LDB2: variants seen among roughly 807,000 people sequenced by gnomAD.
The protein encoded by LDB2 is LIM domain-binding protein 2.
A neutral mutation model predicts 44.3 loss-of-function variants in LDB2; 12 were observed. The observed-to-expected ratio is 0.27, with a 90% CI of 0.17 to 0.44. LDB2 has a LOEUF of 0.44. Among genes scored for constraint, LDB2 ranks in the 20% least tolerant of loss-of-function variants. The pLI, the probability that LDB2 is intolerant of heterozygous loss-of-function variation, is 1.00. For missense variants in LDB2, 344 were observed against 473.5 expected (o/e 0.73, Z 2.54); for synonymous variants, 164 against 174.8 (o/e 0.94, Z 0.49).
intron 1 of LDB2, among the ~76,000 whole-genome samples, chr4:16,776,188 A>G (rs1771862897): frequency 6.6e-6 from 1 of 152,204 alleles, no homozygotes; most frequent in South Asian, 2.1e-4. Context: ...AAAAATCGTC[A>G]GTGTTCAAAA....
At chr4:16,551,671 C>T (rs1737724777) in intron 5 of LDB2, among the ~76,000 whole-genome samples, 1 of 152,124 alleles carries the variant, frequency 6.6e-6, no homozygotes, top group Non-Finnish European at 1.5e-5. Flanking sequence ...GCGCCTGCCA[C>T]CACGCCCAAA....
At chr4:16,608,206 C>CAAAAAAAAAAAA (rs71649969) in intron 2 of LDB2, among the ~76,000 whole-genome samples, 1 of 68,484 alleles carries the variant, frequency 1.5e-5, no homozygotes, top group African/African-American at 5.1e-5. Flanking sequence ...CACACTTCTT[C>CAAAAAAAAAAAA]AAAAAAAAAA....
chr4:16,874,057 G>T (rs1717613189), intron 1 of LDB2, among the ~76,000 whole-genome samples: 1 of 152,050 alleles, frequency 6.6e-6, no homozygotes, highest in Admixed American at 6.6e-5. Flanking sequence ...TCGCTTAACA[G>T]ACATTTGGGG....
chr4:16,549,354 T>C (rs1736851965), intron 5 of LDB2, among the ~76,000 whole-genome samples: 1 of 152,186 alleles, frequency 6.6e-6, no homozygotes, highest in Admixed American at 6.5e-5. Flanking sequence ...ACTTCACTGC[T>C]CTGGTTAGCA....
chr4:16,623,782 ACACAC>A, intron 2 of LDB2, among the ~76,000 whole-genome samples: 1 of 151,828 alleles, frequency 6.6e-6, no homozygotes. Flanking sequence ...ACACACACAC[ACACAC>A]GTTTTATTTA....
chr4:16,747,555 A>G (rs960515098), intron 2 of LDB2, among the ~76,000 whole-genome samples: 2 of 152,252 alleles, frequency 1.3e-5, no homozygotes, highest in Non-Finnish European at 1.5e-5. Flanking sequence ...CCTCAAGTGA[A>G]CACTGAATAA....
intron 2 of LDB2, among the ~76,000 whole-genome samples, chr4:16,649,799 C>T (rs1242697439): frequency 6.6e-6 from 1 of 152,210 alleles, no homozygotes; most frequent in Non-Finnish European, 1.5e-5. Flanking sequence ...TAGCACAAAA[C>T]ACTGAAAACT....
chr4:16,821,897 G>A (rs2109976285), intron 1 of LDB2, among the ~76,000 whole-genome samples: 1 of 152,098 alleles, frequency 6.6e-6, no homozygotes, highest in East Asian at 1.9e-4. Flanking sequence ...AGGACTCCTG[G>A]AACCCATCTC....
chr4:16,666,788 G>A (rs1251490999), intron 2 of LDB2, among the ~76,000 whole-genome samples: 1 of 152,204 alleles, frequency 6.6e-6, no homozygotes, highest in African/African-American at 2.4e-5. Flanking sequence ...GTCCAAAAGT[G>A]ACAGTGCAGT....
At chr4:16,725,064 C>T (rs945487453) in intron 2 of LDB2, among the ~76,000 whole-genome samples, 2 of 152,150 alleles carry the variant, frequency 1.3e-5, no homozygotes, top group Non-Finnish European at 2.9e-5. Flanking sequence ...GACTTATCCA[C>T]TTCTCTCTTT....
intron 1 of LDB2, among the ~76,000 whole-genome samples, chr4:16,875,316 C>G (rs978874147): frequency 6.6e-6 from 1 of 152,032 alleles, no homozygotes; most frequent in Non-Finnish European, 1.5e-5. Context: ...TTAAGCTATA[C>G]AAAATTAATT....
At chr4:16,735,544 T>C (rs1761718366) in intron 2 of LDB2, among the ~76,000 whole-genome samples, 1 of 149,466 alleles carries the variant, frequency 6.7e-6, no homozygotes, top group Non-Finnish European at 1.5e-5. Context: ...TCAATGAATA[T>C]TCATTTCAAT....
chr4:16,692,277 G>GA (rs1200106010), intron 2 of LDB2, among the ~76,000 whole-genome samples: 1 of 152,194 alleles, frequency 6.6e-6, no homozygotes, highest in Non-Finnish European at 1.5e-5. Context: ...CTCATGCCCA[G>GA]AGGCTATAAA....
chr4:16,700,385 T>G (rs904257952), intron 2 of LDB2, among the ~76,000 whole-genome samples: 1 of 152,184 alleles, frequency 6.6e-6, no homozygotes, highest in Non-Finnish European at 1.5e-5. Flanking sequence ...ATGTTAGATA[T>G]ATTTGGTTGC....
At chr4:16,637,565 A>C (rs1560716450) in intron 2 of LDB2, among the ~76,000 whole-genome samples, 1 of 152,058 alleles carries the variant, frequency 6.6e-6, no homozygotes, top group Non-Finnish European at 1.5e-5. Context: ...AAACGGACTC[A>C]ACAACAAGCA....
intron 5 of LDB2, among the ~76,000 whole-genome samples, chr4:16,560,857 A>G (rs534635833): frequency 1.3e-5 from 2 of 152,314 alleles, no homozygotes; most frequent in South Asian, 4.1e-4. Flanking sequence ...CACATCAAAA[A>G]GCTTATCCAC....
chr4:16,735,295 C>G (rs1306913145), intron 2 of LDB2, among the ~76,000 whole-genome samples: 1 of 152,104 alleles, frequency 6.6e-6, no homozygotes, highest in East Asian at 1.9e-4. Flanking sequence ...GAGGCTCAAA[C>G]CACCTGTCCA....
At chr4:16,875,738 G>A (rs928124785) in intron 1 of LDB2, among the ~76,000 whole-genome samples, 4 of 152,148 alleles carry the variant, frequency 2.6e-5, no homozygotes, top group African/African-American at 7.2e-5. Context: ...GTAAGCAGAC[G>A]GCCAAGGATA....
chr4:16,627,314 A>G (rs1176823486), intron 2 of LDB2, among the ~76,000 whole-genome samples: 2 of 152,158 alleles, frequency 1.3e-5, no homozygotes, highest in Non-Finnish European at 2.9e-5. Context: ...TACTACTGGG[A>G]GCAGTGTGCT....
Sources: allele counts gnomAD v4.1 joint callset (sites outside exome capture counted in the v4.1 genomes callset), GRCh38; gene constraint gnomAD v4.1.1; transcripts MANE v1.5; gene names NCBI Gene and HGNC (gene_info 2026-07-23, HGNC 2026-07-21).